ATP11B: variants seen among roughly 807,000 people sequenced by gnomAD.
ATP11B encodes the protein phospholipid-transporting ATPase IF.
ATP11B carries 81 observed loss-of-function variants against 157.8 expected under a neutral mutation model. The observed-to-expected ratio is 0.51, with a 90% CI of 0.43 to 0.62. ATP11B has a LOEUF of 0.62. Ranked by LOEUF, ATP11B falls within the 20% of genes least tolerant of loss-of-function variation. The pLI is 0.00. For missense variants in ATP11B, 1,165 were observed against 1,402.2 expected (o/e 0.83, Z 2.70); for synonymous variants, 451 against 469.4 (o/e 0.96, Z 0.51).
chr3:182,919,488 T>C lies in ATP11B; in HGVS notation c.*1384T>C, dbSNP rs543084079. 6.5e-6 allele frequency: 1 copy of C among 152,768 alleles called. No individual in the cohort carries two copies. The highest frequency in any genetic ancestry group is 2.4e-5 in the African/African-American group (1 of 41,588). The allele number at this position is 152,768 out of a possible 1,614,324, so 9.5% of individuals were successfully genotyped here. On this transcript the variant is annotated 3_prime_UTR_variant, in exon 30 of 30. Transcript: ENST00000323116. Reference sequence around the variant, plus strand: ...GTTTTTGTTTTATTGAAAAGTAATGTTGTCTTAAGATTTAGAAGTGATTAT... The same window carrying C: ...GTTTTTGTTTTATTGAAAAGTAATGCTGTCTTAAGATTTAGAAGTGATTAT...
chr3:182,837,556 G>A (rs1240397122), intron 7 of ATP11B, among the ~76,000 whole-genome samples: 8 of 151,760 alleles, frequency 5.3e-5, no homozygotes, highest in African/African-American at 1.9e-4. Context: ...CCACTATAGA[G>A]GATACTGCTT....
chr3:182,796,097 T>C (rs1393750651), intron 1 of ATP11B, among the ~76,000 whole-genome samples: 1 of 152,226 alleles, frequency 6.6e-6, no homozygotes, highest in Admixed American at 6.5e-5. Flanking sequence ...TGACTCCTTA[T>C]GACAAAATAT....
rs1382367009 is a variant in ATP11B, at chr3:182,793,744, C to T, written c.-16C>T. 8.5e-6 allele frequency: 12 copies of T among 1,408,380 alleles called. No individual in the cohort carries two copies. The highest frequency in any genetic ancestry group is 1.1e-5 in the Non-Finnish European group (12 of 1,075,370). 87.2% of individuals were successfully genotyped at this position (1,408,380 alleles called of 1,614,324 possible). A position where few individuals can be genotyped will look rare whatever the true frequency, so the allele number is the denominator to read the frequency against. On this transcript the variant is annotated 5_prime_UTR_variant, in exon 1 of 30. It adds an upstream start codon to the 5' untranslated region. Coordinates refer to ENST00000323116, the MANE Select transcript of ATP11B (RefSeq NM_014616.3). ...GCCCCCGCGCCCCGCGGGACCCGGA[C>T]GGCGACGACGGGGGAATGTGGCGCT... is the stretch of plus-strand genomic sequence containing the variant.
At position 182,880,945 on chromosome 3, in the gene ATP11B, G is replaced by A; in HGVS notation, c.2473G>A (p.Asp825Asn). The change falls in exon 21 of 30, where the codon GAC becomes AAC. Residue 825 changes from aspartate to asparagine, a missense_variant. Physicochemically the swap from Asp to Asn is conservative, Grantham distance 23. Around this residue, in one of 4 missense-constraint regions of ATP11B, gnomAD observed 737 missense variants for 930.5 expected, o/e 0.79. Transcript: ENST00000323116. ...ITLAVGDGAN[D>N]VSMIQEAHVG... The stretch of plus-strand genomic sequence containing the variant: ...ATTGGCTGTTGGTGATGGTGCTAAT[G>A]ACGTAAGCATGATACAAGAAGCCCA... 1 of 1,600,048 alleles carries A rather than the reference G, an allele frequency of 6.2e-7. No homozygotes were observed. Among genetic ancestry groups the A allele is most frequent in the Non-Finnish European group, 8.5e-7 (1 of 1,174,220 alleles).
In ATP11B at chr3:182,793,719, GC is replaced by G. The variant is rs1219558530; in HGVS notation, c.-36del. 13 of 1,386,432 alleles carry G rather than the reference GC, an allele frequency of 9.4e-6. No individual in the cohort carries two copies. The highest frequency in any genetic ancestry group is 3.0e-5 in the African/African-American group (2 of 66,612). 85.9% of individuals were successfully genotyped at this position (1,386,432 alleles called of 1,614,324 possible). On this transcript the variant is annotated 5_prime_UTR_variant, in exon 1 of 30. Coordinates refer to ENST00000323116, the MANE Select transcript of ATP11B (RefSeq NM_014616.3). ...GTCGGCCTCCACCTGCAGCCCCGCGGCCCCCGCGCCCCGCGGGACCCGGACG... is the reference window on the plus strand; with the variant it reads ...GTCGGCCTCCACCTGCAGCCCCGCGGCCCCGCGCCCCGCGGGACCCGGACG...
intron 1 of ATP11B, among the ~76,000 whole-genome samples, chr3:182,797,388 A>G (rs1280871156): frequency 2.6e-5 from 4 of 152,176 alleles, no homozygotes; most frequent in Non-Finnish European, 5.9e-5. Flanking sequence ...TAAAATACAC[A>G]TTGGATTTCA....
intron 10 of ATP11B, among the ~76,000 whole-genome samples, chr3:182,855,503 C>G (rs1187557675): frequency 6.6e-6 from 1 of 152,040 alleles, no homozygotes; most frequent in Non-Finnish European, 1.5e-5. Context: ...AAGCATAATT[C>G]CTAAATCAAA....
rs941295875 is a variant in ATP11B, at chr3:182,836,277, C to A, written c.424-65C>A. 4.3e-5 allele frequency: 68 copies of A among 1,596,244 alleles called. No individual in the cohort carries two copies. In the Admixed American group the frequency reaches 1.1e-3, roughly 27 times the overall value. On this transcript the variant is annotated intron_variant, in intron 5 of 29. Transcript: ENST00000323116. ...CTGTGATAGGCTGCTTCTTTAGAGC[C>A]CAATAAAAGTAAGTCCTTGCCTTTT... is the stretch of plus-strand genomic sequence containing the variant.
rs1725382663 is a variant in ATP11B, at chr3:182,920,247, TAAG to T, written c.*2144_*2146del. ...TCTGTACTCACCATTTGAAGTTAGTTAAGGAGAACTTTATTTTTTTAAAAAAAG... is the reference window on the plus strand; with the variant it reads ...TCTGTACTCACCATTTGAAGTTAGTTGAGAACTTTATTTTTTTAAAAAAAG... On this transcript the variant is annotated 3_prime_UTR_variant, in exon 30 of 30. Coordinates refer to ENST00000323116, the MANE Select transcript of ATP11B (RefSeq NM_014616.3). The T allele has an allele frequency of 6.6e-6, 1 of 152,224 alleles. No homozygotes were observed. Among genetic ancestry groups the T allele is most frequent in the Non-Finnish European group, 1.5e-5 (1 of 68,034 alleles). 9.4% of individuals were successfully genotyped at this position (152,224 alleles called of 1,614,324 possible).
chr3:182,872,018 T>C (rs575498274), intron 17 of ATP11B, among the ~76,000 whole-genome samples: 11 of 152,308 alleles, frequency 7.2e-5, no homozygotes, highest in African/African-American at 2.6e-4. Context: ...GGTTTCACCA[T>C]GTTAGCCAGG....
chr3:182,865,182 C>CT (rs1721136863), intron 12 of ATP11B, among the ~76,000 whole-genome samples: 1 of 152,160 alleles, frequency 6.6e-6, no homozygotes, highest in Non-Finnish European at 1.5e-5. Flanking sequence ...AGCATTAATA[C>CT]CAAATTCTCG....
intron 1 of ATP11B, among the ~76,000 whole-genome samples, chr3:182,804,893 AAC>A (rs796594133): frequency 4.1e-4 from 63 of 152,336 alleles, no homozygotes; most frequent in African/African-American, 1.4e-3. Context: ...GGTATTTTGT[AAC>A]AGTGTTCTTT....
rs1170838231 is a variant in ATP11B, at chr3:182,883,954, C to CAAAA, written c.2510-781_2510-778dup. ...TGGGCGACAGAGCGAGACTCCGTCTCAAAAAAAAAAAAAAAAAAAAAGAAT... is the reference window on the plus strand; with the variant it reads ...TGGGCGACAGAGCGAGACTCCGTCTCAAAAAAAAAAAAAAAAAAAAAAAAAGAAT... On this transcript the variant is annotated intron_variant, in intron 21 of 29. Transcript: ENST00000323116. 3.5e-3 allele frequency among the ~76,000 whole-genome samples: 222 copies of CAAAA among 63,248 alleles called. 1 individual carries two copies. Among genetic ancestry groups the CAAAA allele is most frequent in the African/African-American group, 9.3e-3 (205 of 22,048 alleles). 41.5% of individuals were successfully genotyped at this position (63,248 alleles called of 152,430 possible).
chr3:182,796,677 A>G (rs547086264), intron 1 of ATP11B, among the ~76,000 whole-genome samples: 61 of 152,314 alleles, frequency 4.0e-4, no homozygotes, highest in African/African-American at 1.4e-3. Context: ...GATGCTGAAT[A>G]CCAGGGATAC....
chr3:182,875,108 G>T (rs1013801165), intron 19 of ATP11B, among the ~76,000 whole-genome samples: 5 of 152,074 alleles, frequency 3.3e-5, no homozygotes, highest in Non-Finnish European at 7.4e-5. Flanking sequence ...TTTTTGCCCT[G>T]TATGGGGGCA....
chr3:182,797,330 C>G (rs567970899), intron 1 of ATP11B, among the ~76,000 whole-genome samples: 4 of 152,164 alleles, frequency 2.6e-5, no homozygotes, highest in African/African-American at 7.2e-5. Context: ...ACTGTGCTGG[C>G]TGATGTATTT....
chr3:182,906,432 C>T (rs1243056407), intron 28 of ATP11B, among the ~76,000 whole-genome samples: 1 of 151,994 alleles, frequency 6.6e-6, no homozygotes, highest in East Asian at 1.9e-4. Context: ...ATTCAACAAA[C>T]TTTCCATTCT....
intron 4 of ATP11B, among the ~76,000 whole-genome samples, chr3:182,834,748 A>G (rs1289844603): frequency 6.6e-6 from 1 of 152,206 alleles, no homozygotes; most frequent in African/African-American, 2.4e-5. Context: ...TGATCCATAC[A>G]GGCTAACATA....
rs1346336520 is a variant in ATP11B at position 182,872,394 on chromosome 3, T to C, written c.1905T>C (p.Phe635=). 3.1e-6 allele frequency: 5 copies of C among 1,613,202 alleles called. No individual in the cohort carries two copies. The highest frequency in any genetic ancestry group is 4.2e-6 in the Non-Finnish European group (5 of 1,179,560). Residue 635 remains phenylalanine (F), a synonymous_variant, in exon 18 of 30, where the codon TTT becomes TTC. Transcript: ENST00000323116. The stretch of plus-strand genomic sequence containing the variant: ...CTCTGTGTATAGCATATAGAAAATT[T>C]ACATCAAAAGAGTATGAGGAAATAG... ...LRTLCIAYRK[F]TSKEYEEIDK...
Sources: gnomAD v4.1 joint callset for allele counts (sites outside exome capture counted in the v4.1 genomes callset) on GRCh38, gnomAD v4.1.1 for gene constraint, gnomAD v4.1.1 regional missense constraint, MANE v1.5 for transcripts, NCBI Gene and HGNC (gene_info 2026-07-23, HGNC 2026-07-21) for gene names.